TTLL11: variants seen among roughly 807,000 people sequenced by gnomAD.
The protein encoded by TTLL11 is tubulin polyglutamylase TTLL11.
In TTLL11, 42 loss-of-function variants were observed where a neutral mutation model predicts 51.7. The observed-to-expected ratio is 0.81, with a 90% CI of 0.64 to 1.05. The LOEUF (loss-of-function observed/expected upper bound fraction) is 1.05. Among genes scored for constraint, TTLL11 ranks in the 50% least tolerant of loss-of-function variants. The pLI, the probability that TTLL11 is intolerant of heterozygous loss-of-function variation, is 0.00. For synonymous variants in TTLL11, 381 were observed against 383.5 expected, an observed-to-expected ratio of 0.99 and a Z score of 0.08; for missense variants, 799 against 940.4, an observed-to-expected ratio of 0.85 and a Z score of 1.97.
intron 6 of TTLL11, among the ~76,000 whole-genome samples, chr9:121,934,479 G>C (rs1362604873): frequency 2.0e-5 from 3 of 152,204 alleles, no homozygotes; most frequent in Non-Finnish European, 4.4e-5. Context: ...CATGGCGGCA[G>C]ATAGGAGTTT....
intron 4 of TTLL11, among the ~76,000 whole-genome samples, chr9:121,985,502 C>A (rs907056312): frequency 6.9e-6 from 1 of 144,820 alleles, no homozygotes; most frequent in African/African-American, 2.7e-5. Context: ...AAAAGGATAC[C>A]ATTTTCTTTT....
intron 8 of TTLL11, among the ~76,000 whole-genome samples, chr9:121,850,491 C>T (rs538701369): frequency 3.9e-5 from 6 of 152,028 alleles, no homozygotes; most frequent in East Asian, 1.9e-4. Flanking sequence ...GGAGTTCTGA[C>T]GTCCAAAGAC....
At chr9:121,933,549 T>C (rs1841075521) in intron 6 of TTLL11, among the ~76,000 whole-genome samples, 1 of 152,198 alleles carries the variant, frequency 6.6e-6, no homozygotes, top group South Asian at 2.1e-4. Context: ...GAGTCCTTTA[T>C]ACTCTCACTA....
chr9:121,920,895 G>A (rs998740491), intron 6 of TTLL11, among the ~76,000 whole-genome samples: 22 of 152,224 alleles, frequency 1.4e-4, no homozygotes, highest in African/African-American at 4.6e-4. Context: ...GCCTAGGACC[G>A]CTTTGCCTGG....
At chr9:121,862,135 C>T (rs916865585) in intron 7 of TTLL11, among the ~76,000 whole-genome samples, 1 of 151,290 alleles carries the variant, frequency 6.6e-6, no homozygotes, top group Non-Finnish European at 1.5e-5. Context: ...CCTGTCCATG[C>T]CACAGCAGGG....
chr9:122,039,353 G>A lies in TTLL11; in HGVS notation c.478C>T (p.Arg160Cys), dbSNP rs1329106315. 8 of 1,613,898 alleles carry A rather than the reference G, an allele frequency of 5.0e-6. No homozygotes were observed. Among genetic ancestry groups the A allele is most frequent in the East Asian group, 2.2e-5 (1 of 44,870 alleles). The change falls in exon 2 of 9, where the codon CGC (arginine) becomes TGC (cysteine). Residue 160 changes from arginine (R) to cysteine (C), a missense_variant. By Grantham distance (180) the Arg-to-Cys change is radical. Around this residue, in one of 3 missense-constraint regions of TTLL11, gnomAD observed 468 missense variants for 612.8 expected, o/e 0.76. Coordinates refer to ENST00000321582, the MANE Select transcript of TTLL11 (RefSeq NM_001139442.2). ...TGCCAGTAGATGTCACAAGGCAAGC[G>A]CCGGCCAAATGGGAACTAGAAGAGA... ...LKWKEFPFGR[R>C]LPCDIYWHGV... is the part of the protein sequence containing the mutation.
chr9:122,015,554 G>A (rs1160818399), intron 3 of TTLL11, among the ~76,000 whole-genome samples: 2 of 152,134 alleles, frequency 1.3e-5, no homozygotes, highest in Non-Finnish European at 2.9e-5. Context: ...TCAGAAGCAG[G>A]AGACACTGCA....
In TTLL11 at chr9:121,897,640, A is replaced by ACACACACACACATG. The variant is rs111331446; in HGVS notation, c.1482-26893_1482-26892insCATGTGTGTGTGTG. The stretch of plus-strand genomic sequence containing the variant: ...CAGGCACACACACACACACACACAC[A>ACACACACACACATG]CGCGCGCGCGAAGTCTCCAACTGCC... On this transcript the variant is annotated intron_variant, in intron 6 of 8. Coordinates refer to ENST00000321582, the MANE Select transcript of TTLL11 (RefSeq NM_001139442.2). 4.1e-4 allele frequency among the ~76,000 whole-genome samples: 57 copies of ACACACACACACATG among 139,390 alleles called. 1 individual carries two copies. Among genetic ancestry groups the ACACACACACACATG allele is most frequent in the African/African-American group, 1.5e-3 (56 of 37,672 alleles). The allele number at this position is 139,390 out of a possible 152,430, so 91.4% of individuals were successfully genotyped here.
intron 6 of TTLL11, among the ~76,000 whole-genome samples, chr9:121,912,902 A>G (rs1235099271): frequency 6.6e-6 from 1 of 152,012 alleles, no homozygotes; most frequent in Non-Finnish European, 1.5e-5. Context: ...CTTGGCCAAT[A>G]TCAGAGTCAA....
At chr9:121,885,244 C>T (rs1564287983) in intron 6 of TTLL11, 1 of 152,262 alleles carries the variant, frequency 6.6e-6, no homozygotes, top group East Asian at 1.9e-4. Context: ...TTGTTACTGG[C>T]AACTTCATCA....
chr9:122,000,840 G>A (rs112108014), intron 3 of TTLL11, among the ~76,000 whole-genome samples: 1,822 of 152,182 alleles, frequency 0.012, 31 homozygotes, highest in African/African-American at 0.041. Flanking sequence ...TTTCTTGCAC[G>A]AGATACAAGA....
chr9:122,092,714 G>T lies in TTLL11; in HGVS notation c.435C>A (p.Ile145=), dbSNP rs1190977977. 2 of 1,537,790 alleles carry T rather than the reference G, an allele frequency of 1.3e-6. No individual in the cohort carries two copies. Among genetic ancestry groups the T allele is most frequent in the Non-Finnish European group, 1.7e-6 (2 of 1,147,162 alleles). ...KARTSLDALK[I]SIRQLKWKEF... Reference sequence around the variant, plus strand: ...CCTTCCACTTGAGCTGGCGGATGCTGATCTTCAGGGCATCCAGGGAGGTCC... The same window carrying T: ...CCTTCCACTTGAGCTGGCGGATGCTTATCTTCAGGGCATCCAGGGAGGTCC... Residue 145 remains isoleucine, a synonymous_variant, in exon 1 of 9, where the codon ATC becomes ATA. Transcript: ENST00000321582.
intron 6 of TTLL11, among the ~76,000 whole-genome samples, chr9:121,957,456 C>T (rs1842056742): frequency 6.6e-6 from 1 of 152,202 alleles, no homozygotes; most frequent in Non-Finnish European, 1.5e-5. Flanking sequence ...TCCAGAATGG[C>T]TCTGGGCTGA....
chr9:121,835,982 C>G (rs1837168962), intron 8 of TTLL11, among the ~76,000 whole-genome samples: 1 of 152,194 alleles, frequency 6.6e-6, no homozygotes, highest in Non-Finnish European at 1.5e-5. Context: ...AATCTAGGCC[C>G]TTGCAGGGTA....
chr9:122,035,817 C>T (rs1844685527), intron 2 of TTLL11, among the ~76,000 whole-genome samples: 1 of 152,186 alleles, frequency 6.6e-6, no homozygotes, highest in African/African-American at 2.4e-5. Flanking sequence ...CTTAAAAATT[C>T]CTCAGTGGCT....
At chr9:121,990,908 C>T (rs775759084) in intron 3 of TTLL11, among the ~76,000 whole-genome samples, 8 of 152,190 alleles carry the variant, frequency 5.3e-5, no homozygotes, top group Non-Finnish European at 7.3e-5. Context: ...AATTCATCCT[C>T]GCCCCATTGC....
At chr9:121,981,079 G>A (rs537270701) in intron 4 of TTLL11, among the ~76,000 whole-genome samples, 14 of 151,434 alleles carry the variant, frequency 9.2e-5, no homozygotes, top group Middle Eastern at 3.4e-3. Context: ...TTCTTAGATT[G>A]TGGGTTTATA....
chr9:121,917,383 T>C (rs993653745), intron 6 of TTLL11, among the ~76,000 whole-genome samples: 1 of 151,788 alleles, frequency 6.6e-6, no homozygotes, highest in Non-Finnish European at 1.5e-5. Context: ...GGCCTGAGGA[T>C]CACTTGAGCC....
intron 6 of TTLL11, among the ~76,000 whole-genome samples, chr9:121,897,732 C>T (rs544167756): frequency 6.6e-6 from 1 of 152,118 alleles, no homozygotes; most frequent in South Asian, 2.1e-4. Context: ...CTTTCTCTGC[C>T]CATGTCTCCA....
Sources: allele counts gnomAD v4.1 joint callset (sites outside exome capture counted in the v4.1 genomes callset), GRCh38; gene constraint gnomAD v4.1.1; regional missense constraint gnomAD v4.1.1; transcripts MANE v1.5; gene names NCBI Gene and HGNC (gene_info 2026-07-23, HGNC 2026-07-21).